Variants in OXNAD1 observed in about 807,000 individuals in gnomAD.
The protein encoded by OXNAD1 is oxidoreductase NAD-binding domain-containing protein 1.
OXNAD1 carries 34 observed loss-of-function variants against 32.9 expected under a neutral mutation model. The ratio of observed to expected loss-of-function variants is 1.03; its 90% CI spans 0.79 to 1.38. The LOEUF is 1.38. Among genes scored for constraint, OXNAD1 ranks in the 40% most tolerant of loss-of-function variants. The pLI is 0.00. For missense variants in OXNAD1, 407 were observed against 379.4 expected, an observed-to-expected ratio of 1.07 and a Z score of -0.60; for synonymous variants, 134 against 135.2, an observed-to-expected ratio of 0.99 and a Z score of 0.06.
Position 16,298,750 on chromosome 3 carries a change from C to G in OXNAD1, c.433-2876C>G, listed in dbSNP as rs771424889. ...TCTTGGCAGGGTAAAGGGTTCTAGA[C>G]AGCTATTGTGTGCTCAGCTCCAGTT... On this transcript the variant is annotated intron_variant, in intron 6 of 8. Coordinates refer to ENST00000285083, the MANE Select transcript of OXNAD1 (RefSeq NM_138381.5). The surrounding 1 kb of genome is among the most constrained non-coding windows in gnomAD (Gnocchi z 5.1). 7.9e-5 allele frequency among the ~76,000 whole-genome samples: 12 copies of G among 152,168 alleles called. No individual in the cohort carries two copies. The highest frequency in any genetic ancestry group is 1.2e-4 in the Non-Finnish European group (8 of 68,042).
rs1479493617 is a variant in OXNAD1 at position 16,335,097 on chromosome 3, A to C, written c.*31-2015A>C. 6.6e-6 allele frequency among the ~76,000 whole-genome samples: 1 copy of C among 152,270 alleles called. No homozygotes were observed. Among genetic ancestry groups the C allele is most frequent in the Admixed American group, 6.5e-5 (1 of 15,288 alleles). ...AATACTCATTTCAGACTTCTGACTC[A>C]ACAAATGTAAGACAATAAACTTGCG... On this transcript the variant is annotated intron_variant, in intron 9 of 9. Transcript: ENST00000435829. This position sits in a 1 kb window ranked among gnomAD's most constrained non-coding sequence, Gnocchi z 4.7.
Position 16,291,354 on chromosome 3 carries a change from G to A in OXNAD1, c.291-3502G>A, listed in dbSNP as rs74403484. Among the ~76,000 whole-genome samples, 707 of 152,264 alleles carry A rather than the reference G, an allele frequency of 4.6e-3. 3 individuals are homozygous for A. Among genetic ancestry groups the A allele is most frequent in the African/African-American group, 0.016 (660 of 41,552 alleles). On this transcript the variant is annotated intron_variant, in intron 5 of 8. Coordinates refer to ENST00000285083, the MANE Select transcript of OXNAD1 (RefSeq NM_138381.5). ...TATTAACAGAGTTGTGCAGCTATCA[G>A]CACAATCACATTTAGAACATTTTTA...
intron 4 of OXNAD1, among the ~76,000 whole-genome samples, chr3:16,273,802 A>C (rs1331255104): frequency 6.6e-6 from 1 of 152,208 alleles, no homozygotes; most frequent in Non-Finnish European, 1.5e-5. Context: ...TTCTAAGGAA[A>C]CATATCTATT....
rs969270892 is a variant in OXNAD1, at chr3:16,305,915, A to G, written c.*2353A>G. On this transcript the variant is annotated 3_prime_UTR_variant, in exon 9 of 9. Transcript: ENST00000285083. The surrounding 1 kb of genome is among the most constrained non-coding windows in gnomAD (Gnocchi z 4.5). The stretch of plus-strand genomic sequence containing the variant: ...TTATTAATTTGCTATTCCTTGTCCT[A>G]TTCAGAAAGGATTTCAAGAGGCTGG... 2.0e-5 allele frequency: 3 copies of G among 148,928 alleles called. No individual in the cohort carries two copies. In the East Asian group the frequency reaches 5.8e-4, roughly 29 times the overall value. The allele number at this position is 148,928 out of a possible 1,614,324, so 9.2% of individuals were successfully genotyped here.
Position 16,287,318 on chromosome 3 carries a change from T to TGTGTGATAATAGCAA in OXNAD1, c.290+887_290+901dup, listed in dbSNP as rs1199088260. Among the ~76,000 whole-genome samples the TGTGTGATAATAGCAA allele has an allele frequency of 2.6e-5, 4 of 152,212 alleles. No homozygotes were observed. The highest frequency in any genetic ancestry group is 9.6e-5 in the African/African-American group (4 of 41,462). Reference sequence around the variant, plus strand: ...AAATGTGGTTTTGTTAGAAGGAGGATGTGTGATAATAGCAAGTGTGATAAT... The same window carrying TGTGTGATAATAGCAA: ...AAATGTGGTTTTGTTAGAAGGAGGATGTGTGATAATAGCAAGTGTGATAATAGCAAGTGTGATAAT... On this transcript the variant is annotated intron_variant, in intron 5 of 8. Coordinates refer to ENST00000285083, the MANE Select transcript of OXNAD1 (RefSeq NM_138381.5). This position sits in a 1 kb window ranked among gnomAD's most constrained non-coding sequence, Gnocchi z 4.8.
downstream of OXNAD1, among the ~76,000 whole-genome samples, chr3:16,306,974 A>G (rs533016045): frequency 2.0e-5 from 3 of 152,090 alleles, no homozygotes; most frequent in East Asian, 3.9e-4. Flanking sequence ...GCTGATAGCT[A>G]TTTTTTCATT....
chr3:16,337,862 G>GC (rs2071013304), downstream of OXNAD1, among the ~76,000 whole-genome samples: 1 of 152,154 alleles, frequency 6.6e-6, no homozygotes, highest in Non-Finnish European at 1.5e-5. This position sits in a 1 kb window ranked among gnomAD's most constrained non-coding sequence, Gnocchi z 5.0. Context: ...GGCACACCTA[G>GC]CCCTTATTTG....
At chr3:16,276,126 CTG>C (rs1322058363) in intron 4 of OXNAD1, 1 of 178,286 alleles carries the variant, frequency 5.6e-6, no homozygotes, top group Admixed American at 6.3e-5. Flanking sequence ...GAGTAAGACT[CTG>C]TCTCAAAAAG....
At chr3:16,330,132 A>T (rs2070162727) in intron 9 of OXNAD1, among the ~76,000 whole-genome samples, 1 of 152,238 alleles carries the variant, frequency 6.6e-6, no homozygotes, top group South Asian at 2.1e-4. Context: ...AAGGGAAAAC[A>T]CAACAAAACA....
chr3:16,313,172 A>T (rs2657598), intron 9 of OXNAD1, among the ~76,000 whole-genome samples: 3 of 147,002 alleles, frequency 2.0e-5, no homozygotes, highest in Non-Finnish European at 1.5e-5. Flanking sequence ...TAGCCTCCCA[A>T]GTAGCTGGTA....
intron 9 of OXNAD1, among the ~76,000 whole-genome samples, chr3:16,324,431 G>A (rs972323709): frequency 3.3e-5 from 5 of 152,080 alleles, no homozygotes; most frequent in African/African-American, 4.8e-5. Flanking sequence ...TCTCTCGTTT[G>A]CCCATCCGCC....
Position 16,271,146 on chromosome 3 carries a change from C to A in OXNAD1, c.119+75C>A. ...CCGACCTGCTGATGGTTGTGGGAGG[C>A]ATATCAAACTCCCGGAAAGGTAACA... On this transcript the variant is annotated intron_variant, in intron 3 of 8. Transcript: ENST00000285083. This position sits in a 1 kb window ranked among gnomAD's most constrained non-coding sequence, Gnocchi z 4.6. The A allele has an allele frequency of 6.6e-7, 1 of 1,520,236 alleles. No homozygotes were observed. Among genetic ancestry groups the A allele is most frequent in the Non-Finnish European group, 9.0e-7 (1 of 1,113,676 alleles). 94.2% of individuals were successfully genotyped at this position (1,520,236 alleles called of 1,614,324 possible).
Position 16,303,586 on chromosome 3 carries a change from TAA to T in OXNAD1, c.*26_*27del, listed in dbSNP as rs2067338965. 1 of 1,610,116 alleles carries T rather than the reference TAA, an allele frequency of 6.2e-7. No homozygotes were observed. Among genetic ancestry groups the T allele is most frequent in the South Asian group, 1.1e-5 (1 of 90,630 alleles). On this transcript the variant is annotated 3_prime_UTR_variant, in exon 9 of 9. Coordinates refer to ENST00000285083, the MANE Select transcript of OXNAD1 (RefSeq NM_138381.5). The surrounding 1 kb of genome is among the most constrained non-coding windows in gnomAD (Gnocchi z 4.8). ...AGGAGGCAGACAAAGGCAGAAAAAA[TAA>T]AGAGGTGAGATCTACTCAGGAGAGC...
intron 5 of OXNAD1, among the ~76,000 whole-genome samples, chr3:16,292,981 T>C (rs2066529266): frequency 6.6e-6 from 1 of 152,250 alleles, no homozygotes; most frequent in Non-Finnish European, 1.5e-5. Flanking sequence ...AAACTTCTTT[T>C]TCAAGATTGT....
At chr3:16,351,871 A>G (rs2072127157), downstream of OXNAD1, among the ~76,000 whole-genome samples, 1 of 151,622 alleles carries the variant, frequency 6.6e-6, no homozygotes, top group Admixed American at 6.6e-5. The surrounding 1 kb of genome is among the most constrained non-coding windows in gnomAD (Gnocchi z 5.4). Flanking sequence ...TGAGGGGACT[A>G]GAAAGACTAG....
At chr3:16,315,547 T>TC (rs1173145851) in intron 9 of OXNAD1, 64 of 152,352 alleles carry the variant, frequency 4.2e-4, no homozygotes, top group African/African-American at 1.4e-3. Context: ...GACACTGATG[T>TC]AAGGTTTTTT....
rs9875592 is a variant in OXNAD1, at chr3:16,345,813, T to C, written c.*31-3363T>C. On this transcript the variant is annotated intron_variant, in intron 9 of 9. Transcript: ENST00000606098. The surrounding 1 kb of genome is among the most constrained non-coding windows in gnomAD (Gnocchi z 5.2). ...CTGTGTGTGTGTGTGTGTGTGTGTG[T>C]GTGTGCGCGCGCGCGTGCGCGCACG... Among the ~76,000 whole-genome samples, 1 of 84,736 alleles carries C rather than the reference T, an allele frequency of 1.2e-5. No individual in the cohort carries two copies. The highest frequency in any genetic ancestry group is 3.7e-4 in the South Asian group (1 of 2,704). The allele number at this position is 84,736 out of a possible 152,430, so 55.6% of individuals were successfully genotyped here.
chr3:16,309,139 CTT>C (rs1292503547), downstream of OXNAD1, among the ~76,000 whole-genome samples: 5 of 151,706 alleles, frequency 3.3e-5, no homozygotes, highest in Admixed American at 2.7e-4. Flanking sequence ...CTATGTCTCT[CTT>C]TCTTTTAATA....
rs1035632992 is a variant in OXNAD1, at chr3:16,299,521, A to G, written c.433-2105A>G. ...TTTTCCCCTGAAAGAGTATCCATTC[A>G]TTTAACAGTTCTTTACCAAAAAAGA... is the stretch of plus-strand genomic sequence containing the variant. On this transcript the variant is annotated intron_variant, in intron 6 of 8. Transcript: ENST00000285083. The surrounding 1 kb of genome is among the most constrained non-coding windows in gnomAD (Gnocchi z 4.4). 1.3e-5 allele frequency among the ~76,000 whole-genome samples: 2 copies of G among 149,578 alleles called. No homozygotes were observed. Among genetic ancestry groups the G allele is most frequent in the African/African-American group, 4.9e-5 (2 of 40,824 alleles).
Sources: gnomAD v4.1 joint callset for allele counts (sites outside exome capture counted in the v4.1 genomes callset) on GRCh38, gnomAD v4.1.1 for gene constraint, Gnocchi (gnomAD v3.1) non-coding constraint, MANE v1.5 for transcripts, NCBI Gene and HGNC (gene_info 2026-07-23, HGNC 2026-07-21) for gene names.